FBRSL1: variants seen among roughly 807,000 people sequenced by gnomAD.
FBRSL1 encodes the protein fibrosin-1-like protein.
FBRSL1 carries 51 observed loss-of-function variants against 89.6 expected under a neutral mutation model. That is an observed-to-expected ratio of 0.57 (90% CI 0.45 to 0.72). The LOEUF is 0.72. Among genes scored for constraint, FBRSL1 ranks in the 30% least tolerant of loss-of-function variants. The pLI, the probability that FBRSL1 is intolerant of heterozygous loss-of-function variation, is 0.00. For synonymous variants in FBRSL1, 779 were observed against 681.1 expected, an observed-to-expected ratio of 1.14 and a Z score of -2.24; for missense variants, 1,618 against 1,451.8, an observed-to-expected ratio of 1.11 and a Z score of -1.86.
At chr12:132,549,289 G>A (rs993563380) in intron 5 of FBRSL1, among the ~76,000 whole-genome samples, 7 of 152,088 alleles carry the variant, frequency 4.6e-5, no homozygotes, top group East Asian at 3.9e-4. Context: ...ACCTCTCCTC[G>A]CCCGTCCGCA....
intron 2 of FBRSL1, among the ~76,000 whole-genome samples, chr12:132,519,568 T>G (rs2035164421): frequency 6.6e-6 from 1 of 152,184 alleles, no homozygotes; most frequent in Non-Finnish European, 1.5e-5. Context: ...GGTGCTGCCT[T>G]CAGCTCAATG....
chr12:132,512,419 T>G (rs2034447613), intron 2 of FBRSL1, among the ~76,000 whole-genome samples: 1 of 152,332 alleles, frequency 6.6e-6, no homozygotes, highest in South Asian at 2.1e-4. Context: ...GGCCGAGTCC[T>G]GGCTGCAGCG....
At chr12:132,571,373 C>A in intron 9 of FBRSL1, 142 bp downstream of exon 9, 1 of 1,550,896 alleles carries the variant, frequency 6.4e-7, no homozygotes, top group Non-Finnish European at 8.7e-7. Context: ...CGGCCTGGCG[C>A]CTCCCTGGGC....
At chr12:132,494,561 C>T (rs1395249116) in intron 1 of FBRSL1, among the ~76,000 whole-genome samples, 2 of 152,234 alleles carry the variant, frequency 1.3e-5, no homozygotes, top group Non-Finnish European at 2.9e-5. Context: ...TGCGCCTGGG[C>T]CACAGGGAGG....
chr12:132,561,714 A>G (rs1401174157), intron 5 of FBRSL1, among the ~76,000 whole-genome samples: 2 of 152,180 alleles, frequency 1.3e-5, no homozygotes, highest in East Asian at 3.9e-4. Context: ...CCGGGACGCC[A>G]GCCAAGAAGA....
At chr12:132,491,855 C>T (rs1313338392) in intron 1 of FBRSL1, among the ~76,000 whole-genome samples, 3 of 152,222 alleles carry the variant, frequency 2.0e-5, no homozygotes, top group African/African-American at 2.4e-5. Flanking sequence ...CATCGTGTCC[C>T]GAGTGCACAG....
chr12:132,492,639 C>G (rs575619929), intron 1 of FBRSL1, among the ~76,000 whole-genome samples: 5 of 152,268 alleles, frequency 3.3e-5, no homozygotes, highest in African/African-American at 7.2e-5. Context: ...TCCACCTGCT[C>G]TGGCAGGGTC....
chr12:132,574,061 G>A (rs967642512), intron 11 of FBRSL1, 29 bp from the exon 12 acceptor site: 63 of 1,243,218 alleles, frequency 5.1e-5, no homozygotes, highest in Admixed American at 8.0e-5. Flanking sequence ...GGCCCCAGGC[G>A]CACACAAGCT....
chr12:132,567,755 C>T (rs1248636375), intron 6 of FBRSL1, among the ~76,000 whole-genome samples: 2 of 152,130 alleles, frequency 1.3e-5, no homozygotes, highest in Non-Finnish European at 2.9e-5. Context: ...CTCGTAGCAG[C>T]GGCTCCCAGA....
chr12:132,566,485 G>C (rs374181563), intron 5 of FBRSL1: 1 of 151,784 alleles, frequency 6.6e-6, no homozygotes, highest in South Asian at 2.1e-4. Flanking sequence ...CTCATTCCTG[G>C]AAACTGCCGT....
rs1285198108 is a variant in FBRSL1 at position 132,546,857 on chromosome 12, G to A, written c.616-1146G>A. On this transcript the variant is annotated intron_variant, in intron 4 of 18. Transcript: ENST00000680143. The surrounding 1 kb of genome is among the most constrained non-coding windows in gnomAD (Gnocchi z 4.0). ...TGTCTGCTAAAGCGCATTTCACACC[G>A]TACTGTGAGCTCCGTCGCTGAACAC... 3.3e-5 allele frequency among the ~76,000 whole-genome samples: 5 copies of A among 152,356 alleles called. No individual in the cohort carries two copies. In the East Asian group the frequency reaches 5.8e-4, roughly 18 times the overall value.
At chr12:132,569,521 C>CTA (rs2039864176) in intron 6 of FBRSL1, among the ~76,000 whole-genome samples, 1 of 152,198 alleles carries the variant, frequency 6.6e-6, no homozygotes, top group Non-Finnish European at 1.5e-5. Context: ...TACACAGGCC[C>CTA]TAGCTCCCGT....
At chr12:132,554,420 G>C (rs4497483) in intron 5 of FBRSL1, 10,676 of 152,274 alleles carry the variant, frequency 0.07, 635 homozygotes, top group African/African-American at 0.16. Context: ...AACAGAACAG[G>C]GTGTCACAGA....
intron 1 of FBRSL1, among the ~76,000 whole-genome samples, chr12:132,498,352 C>T (rs371606371): frequency 3.3e-5 from 5 of 152,304 alleles, no homozygotes; most frequent in East Asian, 1.9e-4. Context: ...GCAGAGGCGC[C>T]GCAGCAGCTA....
intron 2 of FBRSL1, chr12:132,510,538 C>T (rs968826101): frequency 3.2e-6 from 4 of 1,231,386 alleles, no homozygotes; most frequent in Non-Finnish European, 4.0e-6. Context: ...CCGCATTGCC[C>T]TTCGGGCTGG....
chr12:132,503,356 A>G (rs955637111), intron 1 of FBRSL1, among the ~76,000 whole-genome samples: 1 of 152,226 alleles, frequency 6.6e-6, no homozygotes, highest in African/African-American at 2.4e-5. Flanking sequence ...CCTCTGGAAC[A>G]AGTGAGGTGT....
chr12:132,490,469 GCA>G lies in FBRSL1; in HGVS notation c.-98_-97del. 1 of 832,384 alleles carries G rather than the reference GCA, an allele frequency of 1.2e-6. No individual in the cohort carries two copies. Among genetic ancestry groups the G allele is most frequent in the Non-Finnish European group, 1.4e-6 (1 of 695,488 alleles). The allele number at this position is 832,384 out of a possible 1,614,324, so 51.6% of individuals were successfully genotyped here. A position where few individuals can be genotyped will look rare whatever the true frequency, so the allele number is the denominator to read the frequency against. On this transcript the variant is annotated 5_prime_UTR_variant, in exon 1 of 19. The change abolishes the stop of an existing upstream ORF in the 5' untranslated region. Coordinates refer to ENST00000680143, the MANE Select transcript of FBRSL1 (RefSeq NM_001367871.1). Reference sequence around the variant, plus strand: ...CGCCCAGGGCCCGAGCCCGCGCGGCGCACACTCAGCCCGGCGGCGCCGCGTAG... The same window carrying G: ...CGCCCAGGGCCCGAGCCCGCGCGGCGCACTCAGCCCGGCGGCGCCGCGTAG...
intron 9 of FBRSL1, chr12:132,572,075 C>T (rs1173213802): frequency 9.7e-6 from 5 of 514,894 alleles, no homozygotes; most frequent in Non-Finnish European, 1.4e-5. Flanking sequence ...TGCAAGGGGA[C>T]CCTTAGAATG....
chr12:132,538,942 G>A (rs1245691347), intron 4 of FBRSL1, among the ~76,000 whole-genome samples: 1 of 152,068 alleles, frequency 6.6e-6, no homozygotes, highest in Non-Finnish European at 1.5e-5. Flanking sequence ...CTGACCGGAG[G>A]GTGAGAGTGG....
Sources: gnomAD v4.1 joint callset for allele counts (sites outside exome capture counted in the v4.1 genomes callset) on GRCh38, gnomAD v4.1.1 for gene constraint, Gnocchi (gnomAD v3.1) non-coding constraint, MANE v1.5 for transcripts, NCBI Gene and HGNC (gene_info 2026-07-23, HGNC 2026-07-21) for gene names.